METTL6: variants seen among roughly 807,000 people sequenced by gnomAD.
METTL6 encodes the protein tRNA N(3)-cytidine methyltransferase METTL6.
A neutral mutation model predicts 26.4 loss-of-function variants in METTL6; 22 were observed. That is an observed-to-expected ratio of 0.83 (90% CI 0.59 to 1.19). The LOEUF (loss-of-function observed/expected upper bound fraction) is 1.19. Ranked by LOEUF, METTL6 falls within the 50% of genes most tolerant of loss-of-function variation. METTL6 has a pLI of 0.00. For missense variants in METTL6, 304 were observed against 324.8 expected, an observed-to-expected ratio of 0.94 and a Z score of 0.49; for synonymous variants, 109 against 116.2, an observed-to-expected ratio of 0.94 and a Z score of 0.40.
At chr3:15,390,230 C>T (rs1446089409) in intron 6 of METTL6, among the ~76,000 whole-genome samples, 3 of 151,948 alleles carry the variant, frequency 2.0e-5, no homozygotes, top group East Asian at 1.9e-4. Context: ...GAGTTTGAGA[C>T]CAGCCTCGCC....
Position 15,411,129 on chromosome 3 carries a change from A to T in METTL6, c.*127T>A. The T allele has an allele frequency of 9.6e-7, 1 of 1,037,744 alleles. No homozygotes were observed. 64.3% of individuals were successfully genotyped at this position (1,037,744 alleles called of 1,614,324 possible). A position where few individuals can be genotyped will look rare whatever the true frequency, so the allele number is the denominator to read the frequency against. On this transcript the variant is annotated 3_prime_UTR_variant, in exon 6 of 6. Transcript: ENST00000383790. ...AGGCTGGTCTCAAACTCCTGACCTC[A>T]GATGATCCCCCAACCTCGGCCTCCC...
intron 6 of METTL6, among the ~76,000 whole-genome samples, chr3:15,389,100 T>C (rs9869352): frequency 0.77 from 117,280 of 151,858 alleles, 45,560 homozygotes; most frequent in East Asian, 0.94. Flanking sequence ...AAACAATCCT[T>C]CCTGCTCAGC....
In METTL6 at chr3:15,424,829, T is replaced by G. The variant is rs142465135; in HGVS notation, c.360+126A>C. On this transcript the variant is annotated intron_variant, in intron 3 of 5. Coordinates refer to ENST00000383790, the MANE Select transcript of METTL6 (RefSeq NM_152396.4). ...TATGTATGTAAGCAGGACAACTACA[T>G]GTATGGTGACTATAGCTGGTTAGCT... 3.3e-6 allele frequency: 4 copies of G among 1,224,334 alleles called. No individual in the cohort carries two copies. The African/African-American group carries it at 6.2e-5, about 19-fold the overall frequency. 75.8% of individuals were successfully genotyped at this position (1,224,334 alleles called of 1,614,324 possible). A position where few individuals can be genotyped will look rare whatever the true frequency, so the allele number is the denominator to read the frequency against.
intron 6 of METTL6, among the ~76,000 whole-genome samples, chr3:15,387,088 G>A (rs1699220514): frequency 6.6e-6 from 1 of 152,176 alleles, no homozygotes; most frequent in Admixed American, 6.5e-5. Context: ...ATGAGCCATG[G>A]TGCCCAGTTA....
chr3:15,422,030 G>A (rs1201331071), intron 3 of METTL6, among the ~76,000 whole-genome samples: 5 of 152,114 alleles, frequency 3.3e-5, no homozygotes, highest in Non-Finnish European at 7.4e-5. Context: ...GGTGGCTCAC[G>A]CTTTTAATCC....
Position 15,414,118 on chromosome 3 carries a change from C to T in METTL6, c.576G>A (p.Leu192=). The T allele has an allele frequency of 1.2e-6, 2 of 1,614,130 alleles. No individual in the cohort carries two copies. The highest frequency in any genetic ancestry group is 1.7e-6 in the Non-Finnish European group (2 of 1,180,020). Residue 192 remains leucine, a synonymous_variant, in exon 5 of 6, where the codon CTG becomes CTA. Transcript: ENST00000383790. Reference sequence around the variant, plus strand: ...TAAACCTAAGCATGGCATGATCATACAGTCCGTAGTCACGAAACAAGACAC... The same window carrying T: ...TAAACCTAAGCATGGCATGATCATATAGTCCGTAGTCACGAAACAAGACAC... The part of the protein sequence containing the change: ...GKSVLFRDYG[L]YDHAMLRFKA...
chr3:15,425,867 CGCAAA>C (rs1390314168), intron 2 of METTL6, among the ~76,000 whole-genome samples: 1 of 152,230 alleles, frequency 6.6e-6, no homozygotes, highest in Non-Finnish European at 1.5e-5. Context: ...TCTCCTAAAA[CGCAAA>C]GCATTTTGAT....
chr3:15,420,297 C>T (rs569230296), intron 3 of METTL6, among the ~76,000 whole-genome samples: 1 of 151,962 alleles, frequency 6.6e-6, no homozygotes, highest in South Asian at 2.1e-4. Context: ...AATATGATAC[C>T]ACAACTATTT....
At chr3:15,390,653 G>T (rs1033541359) in intron 6 of METTL6, among the ~76,000 whole-genome samples, 2 of 152,140 alleles carry the variant, frequency 1.3e-5, no homozygotes, top group Non-Finnish European at 2.9e-5. Context: ...GAGCAGGCTC[G>T]GTGCAGGCCC....
chr3:15,416,688 T>C lies in METTL6; in HGVS notation c.361-746A>G, dbSNP rs1420216226. 6.6e-5 allele frequency among the ~76,000 whole-genome samples: 10 copies of C among 152,352 alleles called. No individual in the cohort carries two copies. In the East Asian group the frequency reaches 1.9e-3, roughly 29 times the overall value. The stretch of plus-strand genomic sequence containing the variant: ...TATATTTTCTCTTTATGCAGCAAGC[T>C]AAATAAACTTAACCTTTTTTTGACT... On this transcript the variant is annotated intron_variant, in intron 3 of 5. Transcript: ENST00000383790.
chr3:15,412,892 C>G (rs765910385), intron 5 of METTL6, among the ~76,000 whole-genome samples: 1 of 152,068 alleles, frequency 6.6e-6, no homozygotes, highest in Non-Finnish European at 1.5e-5. Flanking sequence ...AGACTATGTT[C>G]AAGACACCTA....
At chr3:15,399,544 T>TTGTGTGTGTGTGTGTGTGTGTGTG (rs34014434) in intron 6 of METTL6, 1 of 118,470 alleles carries the variant, frequency 8.4e-6, no homozygotes, top group African/African-American at 3.3e-5. Context: ...CCAGGAGAAA[T>TTGTGTGTGTGTGTGTGTGTGTGTG]TGTGTGTGTG....
downstream of METTL6, among the ~76,000 whole-genome samples, chr3:15,404,930 G>A (rs73142286): frequency 5.6e-3 from 847 of 152,284 alleles, 7 homozygotes; most frequent in African/African-American, 0.018. Context: ...TAGAGAACAT[G>A]GCCCTGCAAA....
chr3:15,419,754 TAC>T (rs1222049141), intron 3 of METTL6, among the ~76,000 whole-genome samples: 1 of 152,116 alleles, frequency 6.6e-6, no homozygotes, highest in Non-Finnish European at 1.5e-5. Context: ...GACAAATGTG[TAC>T]AGACATTTTG....
chr3:15,395,898 T>C (rs1347863629), intron 6 of METTL6, among the ~76,000 whole-genome samples: 1 of 152,222 alleles, frequency 6.6e-6, no homozygotes, highest in East Asian at 1.9e-4. Flanking sequence ...TTGTGAGTAA[T>C]CCGATCTTTC....
exon 7 of METTL6, chr3:15,382,092 CCAG>C (rs1699094424): frequency 6.6e-6 from 1 of 151,210 alleles, no homozygotes; most frequent in Non-Finnish European, 1.5e-5. Context: ...ACTCTGCTGC[CCAG>C]GCTGGAGAAC....
chr3:15,400,512 T>C (rs1699611846), intron 6 of METTL6, among the ~76,000 whole-genome samples: 1 of 152,092 alleles, frequency 6.6e-6, no homozygotes, highest in African/African-American at 2.4e-5. Context: ...AAAAAGAAAA[T>C]ATCCTTAAAG....
At chr3:15,399,706 TAGC>T (rs1699589847) in intron 6 of METTL6, among the ~76,000 whole-genome samples, 1 of 151,964 alleles carries the variant, frequency 6.6e-6, no homozygotes, top group South Asian at 2.1e-4. Flanking sequence ...TCCAAAATCA[TAGC>T]AGCCATGGAG....
rs931371915 is a variant in METTL6, at chr3:15,426,313, A to G, written c.199T>C (p.Phe67Leu). ...TCTCTACATGATCTTAGCTCCTCAA[A>G]CTCTCTGGTGGTCCAGTGTCTGTCT... The part of the protein sequence containing the change: ...FKDRHWTTRE[F>L]EELRSCREFE... Residue 67 changes from phenylalanine (F) to leucine (L), a missense_variant, in exon 2 of 6, where the codon TTT becomes CTT. Transcript: ENST00000383790. 5.0e-6 allele frequency: 8 copies of G among 1,613,692 alleles called. No homozygotes were observed. Among genetic ancestry groups the G allele is most frequent in the Middle Eastern group, 1.6e-4 (1 of 6,084 alleles).
Sources: allele counts gnomAD v4.1 joint callset (sites outside exome capture counted in the v4.1 genomes callset), GRCh38; gene constraint gnomAD v4.1.1; transcripts MANE v1.5; gene names NCBI Gene and HGNC (gene_info 2026-07-23, HGNC 2026-07-21).